The following CHAF1B variants were observed in gnomAD, a reference collection of about 807,000 sequenced individuals.
CHAF1B encodes chromatin assembly factor 1 subunit B, also known as CAF-1 subunit B.
Under a neutral mutation model 60.7 loss-of-function variants are expected in CHAF1B, and 10 were observed. The observed-to-expected ratio is 0.16, with a 90% CI of 0.10 to 0.28. The LOEUF is 0.28. Ranked by LOEUF, CHAF1B falls within the 10% of genes least tolerant of loss-of-function variation. CHAF1B has a pLI of 1.00. For synonymous variants in CHAF1B, 261 were observed against 266.1 expected (o/e 0.98, Z 0.19); for missense variants, 558 against 708.4 (o/e 0.79, Z 2.41).
intron 1 of CHAF1B, among the ~76,000 whole-genome samples, 158 bp downstream of exon 1, chr21:36,385,609 C>G (rs1234317609): frequency 6.6e-6 from 1 of 151,718 alleles, no homozygotes; most frequent in Non-Finnish European, 1.5e-5. Context: ...CCCGCGCGGC[C>G]TCCTCCCGGC....
At chr21:36,406,529 A>G (rs1440723004) in intron 8 of CHAF1B, among the ~76,000 whole-genome samples, 2 of 151,068 alleles carry the variant, frequency 1.3e-5, no homozygotes, top group Admixed American at 6.6e-5. Flanking sequence ...CAGGTGATCC[A>G]CCCGCCTCAG....
At chr21:36,412,715 C>T (rs144844278) in intron 11 of CHAF1B, 169 bp from the exon 12 acceptor site, 28 of 648,156 alleles carry the variant, frequency 4.3e-5, no homozygotes, top group East Asian at 3.3e-4. Flanking sequence ...CTTAGCAAAT[C>T]GCGATGAAAC....
chr21:36,394,551 C>T lies in CHAF1B; in HGVS notation c.382C>T (p.His128Tyr). ...NWTVVKTLRG[H>Y]LEDVYDICWA... is the part of the protein sequence containing the mutation. ...CTCTTTGTTTTTGGATTCTAGGGGC[C>T]ACTTAGAAGATGTGTATGATATTTG... Residue 128 changes from histidine (H) to tyrosine (Y), a missense_variant, in exon 5 of 14, where the codon CAC becomes TAC. Transcript: ENST00000314103. 1 of 1,610,274 alleles carries T rather than the reference C, an allele frequency of 6.2e-7. No homozygotes were observed. The highest frequency in any genetic ancestry group is 8.5e-7 in the Non-Finnish European group (1 of 1,177,254).
chr21:36,399,834 C>G (rs902532738), intron 7 of CHAF1B, among the ~76,000 whole-genome samples: 1 of 152,172 alleles, frequency 6.6e-6, no homozygotes, highest in Non-Finnish European at 1.5e-5. Context: ...GAGGACAGGA[C>G]AGTGGTTTTC....
chr21:36,396,991 TTCTCAGCTACC>T (rs541276719), intron 5 of CHAF1B, among the ~76,000 whole-genome samples: 77 of 152,322 alleles, frequency 5.1e-4, no homozygotes, highest in African/African-American at 1.7e-3. Flanking sequence ...CCATTAGCAG[TTCTCAGCTACC>T]TCTCCCTGCT....
intron 5 of CHAF1B, 39 bp downstream of exon 5, chr21:36,394,689 T>A: frequency 7.3e-7 from 1 of 1,371,682 alleles, no homozygotes; most frequent in Non-Finnish European, 1.0e-6. Flanking sequence ...GAAGAAATAT[T>A]CTAAGCATCT....
chr21:36,402,988 C>G, intron 8 of CHAF1B, 137 bp downstream of exon 8: 2 of 679,982 alleles, frequency 2.9e-6, no homozygotes, highest in Non-Finnish European at 5.1e-6. Flanking sequence ...TTGGAACCTC[C>G]AGGAGAGCTT....
intron 7 of CHAF1B, among the ~76,000 whole-genome samples, chr21:36,400,043 G>A (rs1413498817): frequency 6.6e-6 from 1 of 152,136 alleles, no homozygotes; most frequent in African/African-American, 2.4e-5. Flanking sequence ...CAGCTGTGGT[G>A]GTGCATGCCT....
intron 4 of CHAF1B, among the ~76,000 whole-genome samples, chr21:36,392,512 G>A (rs182712948): frequency 0.02 from 3,010 of 150,930 alleles, 52 homozygotes; most frequent in Admixed American, 0.043. Context: ...GGGCAGAGGC[G>A]CCCCCCACCT....
chr21:36,411,421 T>C, intron 10 of CHAF1B, 42 bp from the exon 11 acceptor site: 1 of 1,609,224 alleles, frequency 6.2e-7, no homozygotes, highest in Non-Finnish European at 8.5e-7. Context: ...GTCAGAAGCC[T>C]TGTTTCTGTG....
At chr21:36,389,800 T>TGTGTGTGTGTGTGTGTGTGCGCGCGC in intron 3 of CHAF1B, among the ~76,000 whole-genome samples, 9 of 124,740 alleles carry the variant, frequency 7.2e-5, no homozygotes, top group African/African-American at 1.4e-4. Context: ...TGTGTGTGTG[T>TGTGTGTGTGTGTGTGTGTGCGCGCGC]GCGCGCGCAC....
chr21:36,386,111 G>A lies in CHAF1B; in HGVS notation c.-26G>A. The stretch of plus-strand genomic sequence containing the variant: ...AGAAGTAGAACGGTGCCCGAGAAAC[G>A]TTTTTCCCCTTCGAGACTCAGGAGG... On this transcript the variant is annotated 5_prime_UTR_variant, in exon 2 of 14. Coordinates refer to ENST00000314103, the MANE Select transcript of CHAF1B (RefSeq NM_005441.3). The A allele has an allele frequency of 1.2e-6, 2 of 1,613,462 alleles. No homozygotes were observed. The highest frequency in any genetic ancestry group is 8.5e-7 in the Non-Finnish European group (1 of 1,179,678).
intron 12 of CHAF1B, among the ~76,000 whole-genome samples, 168 bp downstream of exon 12, chr21:36,413,483 G>A (rs2086294900): frequency 6.6e-6 from 1 of 152,172 alleles, no homozygotes; most frequent in Non-Finnish European, 1.5e-5. Context: ...TTGCATATAG[G>A]CCTCTGTTTG....
rs1301593163 is a variant in CHAF1B, at chr21:36,417,608, G to A, written c.*1242G>A. On this transcript the variant is annotated 3_prime_UTR_variant, in exon 14 of 14. Transcript: ENST00000314103. The stretch of plus-strand genomic sequence containing the variant: ...GCCTCCCAAAGTGTTGGGATTACAG[G>A]TGTGAGCTACTGCACCTGGCCTAAT... The A allele has an allele frequency of 1.3e-5, 2 of 152,140 alleles. No individual in the cohort carries two copies. The highest frequency in any genetic ancestry group is 4.8e-5 in the African/African-American group (2 of 41,430). 9.4% of individuals were successfully genotyped at this position (152,140 alleles called of 1,614,324 possible).
chr21:36,412,949 A>C lies in CHAF1B; in HGVS notation c.1127A>C (p.Glu376Ala). ...TDGYCSFVTF[E>A]KDELGIPLKE... ...GGTTACTGCTCATTTGTGACATTTG[A>C]GAAAGATGAACTTGGAATTCCTTTG... Residue 376 changes from glutamate (E) to alanine (A), a missense_variant, in exon 12 of 14, where the codon GAG becomes GCG. Glu to Ala is a moderately radical substitution (Grantham distance 107). Transcript: ENST00000314103. The C allele has an allele frequency of 6.2e-7, 1 of 1,614,174 alleles. No individual in the cohort carries two copies. The highest frequency in any genetic ancestry group is 8.5e-7 in the Non-Finnish European group (1 of 1,180,052).
In CHAF1B at chr21:36,412,504, C is replaced by T. The variant is rs191921891; in HGVS notation, c.1062-380C>T. On this transcript the variant is annotated intron_variant, in intron 11 of 13. Transcript: ENST00000314103. ...CCTCCCGAATAGCTGGGATTACAGGCGCCCACCACCATGGCTGGCTAATTT... is the reference window on the plus strand; with the variant it reads ...CCTCCCGAATAGCTGGGATTACAGGTGCCCACCACCATGGCTGGCTAATTT... 8.5e-3 allele frequency among the ~76,000 whole-genome samples: 1,300 copies of T among 152,206 alleles called. 15 individuals carry two copies. The highest frequency in any genetic ancestry group is 0.029 in the African/African-American group (1,210 of 41,532).
intron 3 of CHAF1B, among the ~76,000 whole-genome samples, chr21:36,389,800 T>TGCGCGCGCGCGCGC (rs1555911823): frequency 8.6e-4 from 107 of 124,786 alleles, no homozygotes; most frequent in African/African-American, 3.4e-3. Context: ...TGTGTGTGTG[T>TGCGCGCGCGCGCGC]GCGCGCGCAC....
At chr21:36,408,974 C>T in intron 9 of CHAF1B, 144 bp downstream of exon 9, 5 of 585,102 alleles carry the variant, frequency 8.5e-6, no homozygotes, top group Non-Finnish European at 1.5e-5. Flanking sequence ...CCTGCCTCAG[C>T]CTCTTGAGTA....
chr21:36,391,916 T>TA (rs2086092672), intron 4 of CHAF1B, among the ~76,000 whole-genome samples: 4 of 136,972 alleles, frequency 2.9e-5, no homozygotes, highest in African/African-American at 1.1e-4. Context: ...AATTTTTTTT[T>TA]TTTTTTTTTT....
Sources: gnomAD v4.1 joint callset for allele counts (sites outside exome capture counted in the v4.1 genomes callset) on GRCh38, gnomAD v4.1.1 for gene constraint, MANE v1.5 for transcripts, NCBI Gene and HGNC (gene_info 2026-07-23, HGNC 2026-07-21) for gene names.